Variants in CRISPLD1 observed in about 807,000 individuals in gnomAD.
CRISPLD1 encodes cysteine-rich secretory protein LCCL domain-containing 1.
CRISPLD1 carries 60 observed loss-of-function variants against 77.5 expected under a neutral mutation model. The observed-to-expected ratio is 0.77, with a 90% confidence interval of 0.63 to 0.96. The LOEUF (loss-of-function observed/expected upper bound fraction) is 0.96, where lower values mean the gene tolerates loss of function less well. Ranked by LOEUF, CRISPLD1 falls within the 40% of genes least tolerant of loss-of-function variation. The pLI is 0.00. For missense variants in CRISPLD1, 623 were observed against 615.8 expected, an observed-to-expected ratio of 1.01 and a Z score of -0.12; for synonymous variants, 195 against 200.1, an observed-to-expected ratio of 0.97 and a Z score of 0.22.
intron 2 of CRISPLD1, among the ~76,000 whole-genome samples, chr8:74,991,331 C>T (rs1812570329): frequency 6.6e-6 from 1 of 152,020 alleles, no homozygotes. Context: ...TCTCACTCTC[C>T]TCACCATTAG....
In CRISPLD1 at chr8:75,012,961, A is replaced by G. The variant is rs748104481; in HGVS notation, c.449A>G (p.His150Arg). ...EVKDFSYPYE[H>R]ECNPYCPFRC... is the part of the protein sequence containing the mutation. ...AAAGACTTTAGCTACCCATATGAAC[A>G]TGAATGCAACCCATATTGTCCATTC... Residue 150 changes from histidine to arginine, a missense_variant, in exon 4 of 15, where the codon CAT becomes CGT. Physicochemically the swap from His to Arg is conservative, Grantham distance 29. Transcript: ENST00000262207. 11 of 1,612,848 alleles carry G rather than the reference A, an allele frequency of 6.8e-6. No individual in the cohort carries two copies. The highest frequency in any genetic ancestry group is 4.0e-5 in the African/African-American group (3 of 74,876).
At position 74,986,227 on chromosome 8, in the gene CRISPLD1, C is replaced by G; in HGVS notation, c.240C>G (p.Ala80=). 1 of 1,613,978 alleles carries G rather than the reference C, an allele frequency of 6.2e-7. No individual in the cohort carries two copies. Among genetic ancestry groups the G allele is most frequent in the South Asian group, 1.1e-5 (1 of 91,076 alleles). ...NKLRSQVYPT[A]SNMEYMTWDV... is the part of the protein sequence containing the mutation. ...TACGAAGTCAGGTGTATCCAACAGC[C>G]TCTAATATGGAGTATATGGTAAGGA... Residue 80 remains alanine (A), a synonymous_variant, in exon 2 of 15, where the codon GCC becomes GCG. Coordinates refer to ENST00000262207, the MANE Select transcript of CRISPLD1 (RefSeq NM_031461.6).
intron 2 of CRISPLD1, among the ~76,000 whole-genome samples, chr8:75,011,452 C>T (rs1476208043): frequency 2.6e-5 from 4 of 151,830 alleles, no homozygotes; most frequent in East Asian, 1.9e-4. Context: ...TTTGTTTTCC[C>T]GTTTTCGTAA....
At chr8:75,013,378 A>C (rs1319149667) in intron 4 of CRISPLD1, among the ~76,000 whole-genome samples, 1 of 150,930 alleles carries the variant, frequency 6.6e-6, no homozygotes, top group Non-Finnish European at 1.5e-5. Context: ...TTACATGTGC[A>C]ACATATATAT....
intron 5 of CRISPLD1, among the ~76,000 whole-genome samples, 162 bp from the exon 6 acceptor site, chr8:75,014,650 T>C (rs1037513399): frequency 6.6e-6 from 1 of 152,214 alleles, no homozygotes; most frequent in African/African-American, 2.4e-5. Flanking sequence ...TAATTTATAT[T>C]TAAACCTAGT....
At chr8:74,985,825 C>G in intron 1 of CRISPLD1, 101 bp from the exon 2 acceptor site, 3 of 770,714 alleles carry the variant, frequency 3.9e-6, no homozygotes, top group Non-Finnish European at 6.3e-6. Flanking sequence ...ATAGACAAAT[C>G]AAACTGGCAC....
chr8:75,028,217 A>G (rs960327869), intron 13 of CRISPLD1, among the ~76,000 whole-genome samples: 4 of 152,188 alleles, frequency 2.6e-5, no homozygotes, highest in Non-Finnish European at 4.4e-5. Context: ...CAGGTTTTAG[A>G]TACATGGTAT....
At position 74,984,700 on chromosome 8, in the gene CRISPLD1, T is replaced by A. The variant is rs1215015434; in HGVS notation, c.-283T>A. 1 of 152,306 alleles carries A rather than the reference T, an allele frequency of 6.6e-6. No individual in the cohort carries two copies. The highest frequency in any genetic ancestry group is 1.9e-4 in the East Asian group (1 of 5,186). The allele number at this position is 152,306 out of a possible 1,614,324, so 9.4% of individuals were successfully genotyped here. A position where few individuals can be genotyped will look rare whatever the true frequency, so the allele number is the denominator to read the frequency against. Reference sequence around the variant, plus strand: ...TCCCACCCCAACTGCAGGTCTAATTTTGGACGCTTTGCCTGCCATTTCTTC... The same window carrying A: ...TCCCACCCCAACTGCAGGTCTAATTATGGACGCTTTGCCTGCCATTTCTTC... On this transcript the variant is annotated 5_prime_UTR_variant, in exon 1 of 15. The change creates a new upstream start codon in the 5' untranslated region. Transcript: ENST00000262207.
intron 2 of CRISPLD1, among the ~76,000 whole-genome samples, chr8:75,007,017 C>A (rs1441352194): frequency 6.6e-6 from 1 of 152,074 alleles, no homozygotes; most frequent in Non-Finnish European, 1.5e-5. Flanking sequence ...AAAAATAACA[C>A]CTTCCATTTT....
chr8:75,004,935 A>C (rs2128783382), intron 2 of CRISPLD1, among the ~76,000 whole-genome samples: 1 of 152,242 alleles, frequency 6.6e-6, no homozygotes, highest in South Asian at 2.1e-4. Flanking sequence ...ACTTTTTATT[A>C]AGATTATCTT....
chr8:75,020,636 C>G (rs183604936), intron 12 of CRISPLD1, among the ~76,000 whole-genome samples: 30 of 152,318 alleles, frequency 2.0e-4, no homozygotes, highest in Middle Eastern at 3.4e-3. Context: ...AAGGCCCTGT[C>G]TCCAAGTTAG....
intron 2 of CRISPLD1, chr8:75,000,216 T>C: frequency 3.0e-6 from 3 of 985,286 alleles, no homozygotes; most frequent in Non-Finnish European, 3.6e-6. Flanking sequence ...TATCTTATGC[T>C]TGGTCAAGAC....
In CRISPLD1 at chr8:75,029,431, A is replaced by G; in HGVS notation, c.1365A>G (p.Arg455=). The change falls in exon 14 of 15, where the codon CGA becomes CGG. Residue 455 remains arginine (R), a synonymous_variant. Coordinates refer to ENST00000262207, the MANE Select transcript of CRISPLD1 (RefSeq NM_031461.6). ...CAGCAGTACATGCTGGAGTGGTTCGAAATCACGGTGGTTATGTTGATGTAA... is the reference window on the plus strand; with the variant it reads ...CAGCAGTACATGCTGGAGTGGTTCGGAATCACGGTGGTTATGTTGATGTAA... ...CRAAVHAGVV[R]NHGGYVDVMP... 1 of 1,613,790 alleles carries G rather than the reference A, an allele frequency of 6.2e-7. No homozygotes were observed. Among genetic ancestry groups the G allele is most frequent in the South Asian group, 1.1e-5 (1 of 91,068 alleles).
chr8:75,012,365 C>T, intron 2 of CRISPLD1, 68 bp from the exon 3 acceptor site: 4 of 893,890 alleles, frequency 4.5e-6, no homozygotes, highest in Non-Finnish European at 7.5e-6. Context: ...AAGAACTGCT[C>T]AACACTGTGT....
chr8:75,000,227 G>A (rs907160116), intron 2 of CRISPLD1: 3 of 985,102 alleles, frequency 3.0e-6, no homozygotes, highest in Non-Finnish European at 3.6e-6. Context: ...TGGTCAAGAC[G>A]TGTCAAATCT....
At position 75,032,562 on chromosome 8, in the gene CRISPLD1, A is replaced by C. The variant is rs1813370305; in HGVS notation, c.*320A>C. 1 of 187,698 alleles carries C rather than the reference A, an allele frequency of 5.3e-6. No individual in the cohort carries two copies. Among genetic ancestry groups the C allele is most frequent in the Non-Finnish European group, 1.1e-5 (1 of 91,764 alleles). The allele number at this position is 187,698 out of a possible 1,614,324, so 11.6% of individuals were successfully genotyped here. On this transcript the variant is annotated 3_prime_UTR_variant, in exon 15 of 15. Transcript: ENST00000262207. ...TATTATATGGTGCTTTGTATATGCC[A>C]CTAATAAAATGAATCTAAACATTGA...
intron 2 of CRISPLD1, among the ~76,000 whole-genome samples, chr8:75,001,026 G>A (rs1360356875): frequency 6.6e-6 from 1 of 151,934 alleles, no homozygotes; most frequent in Non-Finnish European, 1.5e-5. Context: ...ATCATTGCAA[G>A]TTTGATGTGA....
intron 14 of CRISPLD1, among the ~76,000 whole-genome samples, chr8:75,030,675 G>GAT (rs952687545): frequency 5.7e-5 from 8 of 140,616 alleles, no homozygotes; most frequent in Non-Finnish European, 1.2e-4. Context: ...TATACCCGGA[G>GAT]ATATATGTGT....
intron 14 of CRISPLD1, among the ~76,000 whole-genome samples, 167 bp downstream of exon 14, chr8:75,029,684 G>A (rs1437416158): frequency 6.6e-6 from 1 of 152,078 alleles, no homozygotes; most frequent in African/African-American, 2.4e-5. Flanking sequence ...TCCAGGGATG[G>A]GAGAAGCTGT....
Sources: gnomAD v4.1 joint callset for allele counts (sites outside exome capture counted in the v4.1 genomes callset) on GRCh38, gnomAD v4.1.1 for gene constraint, MANE v1.5 for transcripts, NCBI Gene and HGNC (gene_info 2026-07-23, HGNC 2026-07-21) for gene names.